Variants in COG5 observed in about 807,000 individuals in gnomAD.
COG5 encodes the protein conserved oligomeric Golgi complex subunit 5.
A neutral mutation model predicts 110.4 loss-of-function variants in COG5; 86 were observed. The observed-to-expected ratio is 0.78, with a 90% CI of 0.65 to 0.93. The LOEUF (loss-of-function observed/expected upper bound fraction) is 0.93, where lower values mean the gene tolerates loss of function less well. Among genes scored for constraint, COG5 ranks in the 40% least tolerant of loss-of-function variants. COG5 has a pLI of 0.00. For missense variants in COG5, 1,077 were observed against 987.0 expected, an observed-to-expected ratio of 1.09 and a Z score of -1.22; for synonymous variants, 360 against 334.6, an observed-to-expected ratio of 1.08 and a Z score of -0.83.
intron 18 of COG5, 53 bp downstream of exon 18, chr7:107,236,397 A>T: frequency 1.6e-6 from 2 of 1,242,232 alleles, no homozygotes; most frequent in Non-Finnish European, 2.4e-6. Flanking sequence ...TTCATTTAAT[A>T]GATGATATTG....
chr7:107,291,333 T>C (rs1806154383), intron 12 of COG5, among the ~76,000 whole-genome samples: 1 of 152,210 alleles, frequency 6.6e-6, no homozygotes, highest in African/African-American at 2.4e-5. Context: ...AGGTCAAAGC[T>C]ATTCACAGAA....
In COG5 at chr7:107,439,064, C is replaced by A. The variant is rs1794545998; in HGVS notation, c.539-26432G>T. On this transcript the variant is annotated intron_variant, in intron 6 of 21. Coordinates refer to ENST00000297135, the MANE Select transcript of COG5 (RefSeq NM_006348.5). ...TCCTGACCTCTTCTCTTCTAATGAT[C>A]CTGTGTTCAACCCAATTTCTGCTAC... 2.0e-5 allele frequency among the ~76,000 whole-genome samples: 3 copies of A among 152,068 alleles called. No individual in the cohort carries two copies. The South Asian group carries it at 6.2e-4, about 32-fold the overall frequency.
chr7:107,521,424 C>A (rs1379833040), intron 6 of COG5, among the ~76,000 whole-genome samples: 3 of 152,220 alleles, frequency 2.0e-5, no homozygotes, highest in South Asian at 2.1e-4. Flanking sequence ...CCAGCATCTA[C>A]AAGGAACTTA....
intron 6 of COG5, among the ~76,000 whole-genome samples, chr7:107,436,481 CAG>C (rs1386566014): frequency 6.6e-6 from 1 of 152,054 alleles, no homozygotes; most frequent in African/African-American, 2.4e-5. Flanking sequence ...TTAATGACTA[CAG>C]AGTTTCAGGT....
chr7:107,315,169 T>G (rs572714490), intron 11 of COG5, among the ~76,000 whole-genome samples: 2 of 152,230 alleles, frequency 1.3e-5, no homozygotes, highest in Non-Finnish European at 2.9e-5. Context: ...TTTTTTTTTT[T>G]TTTAAAGAAC....
intron 6 of COG5, among the ~76,000 whole-genome samples, chr7:107,451,484 T>C (rs974037297): frequency 1.2e-4 from 19 of 152,124 alleles, no homozygotes; most frequent in African/African-American, 4.6e-4. Flanking sequence ...TACAGAAACA[T>C]TTTTAGAGAA....
rs546101321 is a variant in COG5 at position 107,384,611 on chromosome 7, G to A, written c.670-11851C>T. On this transcript the variant is annotated intron_variant, in intron 7 of 21. Coordinates refer to ENST00000297135, the MANE Select transcript of COG5 (RefSeq NM_006348.5). Reference sequence around the variant, plus strand: ...CCATGGGACGAACAAGGACCCCATCGTTAGCTGAACTAAGGAAAAGTCCTG... The same window carrying A: ...CCATGGGACGAACAAGGACCCCATCATTAGCTGAACTAAGGAAAAGTCCTG... Among the ~76,000 whole-genome samples the A allele has an allele frequency of 1.6e-3, 245 of 152,254 alleles. 1 individual carries two copies. Among genetic ancestry groups the A allele is most frequent in the African/African-American group, 5.5e-3 (230 of 41,554 alleles).
chr7:107,551,915 C>T (rs1247323325), intron 3 of COG5, among the ~76,000 whole-genome samples: 1 of 152,162 alleles, frequency 6.6e-6, no homozygotes, highest in African/African-American at 2.4e-5. Flanking sequence ...TGCACCCTGG[C>T]CTACACTTCA....
chr7:107,248,531 A>G (rs766297752), intron 16 of COG5, 32 bp from the exon 17 acceptor site: 2 of 1,466,352 alleles, frequency 1.4e-6, no homozygotes, highest in Middle Eastern at 1.7e-4. Flanking sequence ...AAAAAAGAAG[A>G]GGCAAGATTA....
intron 11 of COG5, among the ~76,000 whole-genome samples, chr7:107,299,865 T>TATATATATATATA (rs1807101115): frequency 1.6e-4 from 16 of 103,184 alleles, no homozygotes; most frequent in African/African-American, 4.8e-4. Flanking sequence ...ATATCTGGAA[T>TATATATATATATA]TATCTGGAAT....
chr7:107,395,536 C>T (rs1361871465), intron 7 of COG5, among the ~76,000 whole-genome samples: 1 of 134,618 alleles, frequency 7.4e-6, no homozygotes, highest in Non-Finnish European at 1.6e-5. Flanking sequence ...TACCATGAAG[C>T]AGATCTTTTT....
intron 5 of COG5, among the ~76,000 whole-genome samples, chr7:107,539,534 T>C (rs889806429): frequency 2.0e-5 from 3 of 152,166 alleles, no homozygotes; most frequent in African/African-American, 7.2e-5. Flanking sequence ...AGTTGAGAGC[T>C]TGGCGTAGAG....
At chr7:107,508,944 GA>G (rs576778909) in intron 6 of COG5, among the ~76,000 whole-genome samples, 3 of 152,006 alleles carry the variant, frequency 2.0e-5, no homozygotes, top group Non-Finnish European at 2.9e-5. Context: ...ACAAAGATGG[GA>G]AAAAAACAAA....
chr7:107,269,431 T>C (rs963284773), intron 14 of COG5, among the ~76,000 whole-genome samples: 4 of 149,430 alleles, frequency 2.7e-5, no homozygotes, highest in East Asian at 2.0e-4. Context: ...GCCGAGATCG[T>C]GCCACTGCAC....
intron 6 of COG5, among the ~76,000 whole-genome samples, chr7:107,521,886 T>C (rs1217112702): frequency 2.0e-5 from 3 of 152,058 alleles, no homozygotes; most frequent in South Asian, 2.1e-4. Flanking sequence ...CCAACGCAAA[T>C]GTCCATCAAC....
chr7:107,307,827 TG>T (rs1807864408), intron 11 of COG5, among the ~76,000 whole-genome samples: 1 of 152,110 alleles, frequency 6.6e-6, no homozygotes, highest in Admixed American at 6.5e-5. Flanking sequence ...GCTTGGGTGA[TG>T]GGTGTACAAA....
chr7:107,267,058 A>T (rs1803859471), intron 14 of COG5, among the ~76,000 whole-genome samples: 4 of 152,176 alleles, frequency 2.6e-5, no homozygotes, highest in Admixed American at 2.6e-4. Flanking sequence ...TTGAACAGTT[A>T]ATATATAACC....
intron 11 of COG5, among the ~76,000 whole-genome samples, chr7:107,313,527 G>T (rs1808461564): frequency 1.3e-5 from 2 of 152,150 alleles, no homozygotes; most frequent in Non-Finnish European, 2.9e-5. Flanking sequence ...AGAAGTCTGA[G>T]ATTGGTCTCA....
intron 6 of COG5, among the ~76,000 whole-genome samples, chr7:107,457,783 A>C (rs1378413058): frequency 6.6e-6 from 1 of 152,184 alleles, no homozygotes; most frequent in Non-Finnish European, 1.5e-5. Context: ...AAGGAAAAAA[A>C]GTATTTGAAG....
Sources: gnomAD v4.1 joint callset for allele counts (sites outside exome capture counted in the v4.1 genomes callset) on GRCh38, gnomAD v4.1.1 for gene constraint, MANE v1.5 for transcripts, NCBI Gene and HGNC (gene_info 2026-07-23, HGNC 2026-07-21) for gene names.